The following FASN variants were observed in gnomAD, a reference collection of about 807,000 sequenced individuals.
The protein encoded by FASN is 3-hydroxyacyl-[acyl-carrier-protein] dehydratase.
FASN carries 50 observed loss-of-function variants against 250.0 expected under a neutral mutation model. That is an observed-to-expected ratio of 0.20 (90% CI 0.16 to 0.25). FASN has a LOEUF of 0.25. Ranked by LOEUF, FASN falls within the 10% of genes least tolerant of loss-of-function variation. FASN has a pLI of 1.00. For missense variants in FASN, 3,031 were observed against 3,498.5 expected (o/e 0.87, Z 3.37); for synonymous variants, 1,909 against 1,584.0 (o/e 1.21, Z -4.87).
chr17:82,088,515 G>C lies in FASN; in HGVS notation c.2468C>G (p.Ala823Gly). The change falls in exon 16 of 43, where the codon GCT (alanine) becomes GGT (glycine). Residue 823 changes from alanine (A) to glycine (G), a missense_variant. Transcript: ENST00000306749. ...GGAGATGAGGGGAGTTCCTCGGGGA[G>C]CTGGGAACTCCACAGGTGGGAACAA... is the stretch of plus-strand genomic sequence containing the variant. ...NALFPPVEFP[A>G]PRGTPLISPL... 1 of 1,608,340 alleles carries C rather than the reference G, an allele frequency of 6.2e-7. No individual in the cohort carries two copies. The highest frequency in any genetic ancestry group is 8.5e-7 in the Non-Finnish European group (1 of 1,176,690).
In FASN at chr17:82,083,135, A is replaced by G. The variant is rs2034021930; in HGVS notation, c.5566-20T>C. Reference sequence around the variant, plus strand: ...AAGCACCTGCGTCCAAGCAGCACCCACCGGCTCAGGCACTGCCTGGGGACC... The same window carrying G: ...AAGCACCTGCGTCCAAGCAGCACCCGCCGGCTCAGGCACTGCCTGGGGACC... On this transcript the variant is annotated intron_variant, in intron 32 of 42. Transcript: ENST00000306749. The G allele has an allele frequency of 6.2e-7, 1 of 1,610,046 alleles. No homozygotes were observed. Among genetic ancestry groups the G allele is most frequent in the Non-Finnish European group, 8.5e-7 (1 of 1,179,872 alleles).
Position 82,089,877 on chromosome 17 carries a change from T to C in FASN, c.1871-151A>G. The stretch of plus-strand genomic sequence containing the variant: ...TTCATGAGAAAGGTTCGCCCCCTGC[T>C]GTGTTTGACCCGTGGGTGGAGGTGT... On this transcript the variant is annotated intron_variant, in intron 11 of 42. Coordinates refer to ENST00000306749, the MANE Select transcript of FASN (RefSeq NM_004104.5). The C allele has an allele frequency of 1.5e-5, 11 of 740,514 alleles. No homozygotes were observed. In the South Asian group the frequency reaches 1.8e-4, roughly 12 times the overall value. 45.9% of individuals were successfully genotyped at this position (740,514 alleles called of 1,614,324 possible). A position where few individuals can be genotyped will look rare whatever the true frequency, so the allele number is the denominator to read the frequency against.
Position 82,090,401 on chromosome 17 carries a change from A to T in FASN, c.1844T>A (p.Leu615His). 6.3e-7 allele frequency: 1 copy of T among 1,597,048 alleles called. No homozygotes were observed. The highest frequency in any genetic ancestry group is 8.5e-7 in the Non-Finnish European group (1 of 1,173,208). The change falls in exon 11 of 43, where the codon CTC (leucine) becomes CAC (histidine). Residue 615 changes from leucine (L) to histidine (H), a missense_variant. Transcript: ENST00000306749. The part of the protein sequence containing the change: ...WRGQCIKEAH[L>H]PPGAMAAVGL... ...CACGGCTGCCATGGCGCCCGGCGGG[A>T]GATGGGCTTCTTTGATGCACTGTCC... is the stretch of plus-strand genomic sequence containing the variant.
Position 82,088,150 on chromosome 17 carries a change from C to T in FASN, c.2751G>A (p.Val917=). Residue 917 remains valine (V), a synonymous_variant, in exon 17 of 43, where the codon GTG becomes GTA. Transcript: ENST00000306749. ...VEQLPVVFED[V]VLHQATILPK... ...GCAGGATGGTGGCCTGGTGCAGCAC[C>T]ACATCCTCAAACACCACAGGCAGCT... The T allele has an allele frequency of 6.2e-7, 1 of 1,612,782 alleles. No individual in the cohort carries two copies. The highest frequency in any genetic ancestry group is 1.1e-5 in the South Asian group (1 of 91,086).
chr17:82,083,486 C>T lies in FASN; in HGVS notation c.5341+31G>A, dbSNP rs45591642. On this transcript the variant is annotated intron_variant, in intron 31 of 42. Coordinates refer to ENST00000306749, the MANE Select transcript of FASN (RefSeq NM_004104.5). The stretch of plus-strand genomic sequence containing the variant: ...ACAGGTCCACCCACACCCATCCATG[C>T]CCACCCCCGCCCAGGCGCTGCCGGC... 4.6e-3 allele frequency: 7,364 copies of T among 1,612,708 alleles called. 223 individuals carry two copies. In the Admixed American group the frequency reaches 0.063, roughly 14 times the overall value.
At position 82,092,969 on chromosome 17, in the gene FASN, T is replaced by C. The variant is rs2034239586; in HGVS notation, c.706A>G (p.Lys236Glu). Residue 236 changes from lysine to glutamate, a missense_variant, in exon 6 of 43, where the codon AAG becomes GAG. Physicochemically the swap from Lys to Glu is moderately conservative, Grantham distance 56. Transcript: ENST00000306749. The part of the protein sequence containing the change: ...EGVVAVLLTK[K>E]SLARRVYATI... The stretch of plus-strand genomic sequence containing the variant: ...GCGTACACCCGCCGGGCCAGGGACT[T>C]CTTGGTCAGCAGGACGGCCACCACA... 1 of 1,612,030 alleles carries C rather than the reference T, an allele frequency of 6.2e-7. No individual in the cohort carries two copies.
chr17:82,091,613 T>C lies in FASN; in HGVS notation c.1101A>G (p.Pro367=), dbSNP rs1192328893. 6.3e-7 allele frequency: 1 copy of C among 1,595,206 alleles called. No homozygotes were observed. The part of the protein sequence containing the change: ...LHFHSPNPEI[P]ALLDGRLQVV... ...CCTGCAGCCGCCCATCCAACAGCGC[T>C]GGGATCTCAGGGTTGGGGCTATGGA... The change falls in exon 9 of 43, where the codon CCA becomes CCG. Residue 367 remains proline (P), a synonymous_variant. Coordinates refer to ENST00000306749, the MANE Select transcript of FASN (RefSeq NM_004104.5).
rs748481213 is a variant in FASN at position 82,092,687 on chromosome 17, G to C, written c.894+10C>G. The C allele has an allele frequency of 4.4e-5, 50 of 1,130,526 alleles. 1 individual carries two copies. The highest frequency in any genetic ancestry group is 2.7e-4 in the Admixed American group (15 of 54,836). The allele number at this position is 1,130,526 out of a possible 1,614,324, so 70.0% of individuals were successfully genotyped here. A position where few individuals can be genotyped will look rare whatever the true frequency, so the allele number is the denominator to read the frequency against. ...GGGGTGGTGAGTGGGGCGGGGGGGG[G>C]GGGCATCACCTTGGTGCCTGTGCCG... On this transcript the variant is annotated intron_variant, in intron 7 of 42. Coordinates refer to ENST00000306749, the MANE Select transcript of FASN (RefSeq NM_004104.5).
intron 33 of FASN, 37 bp from the exon 34 acceptor site, chr17:82,082,715 G>GGTAC (rs2034012815): frequency 1.9e-6 from 3 of 1,602,434 alleles, no homozygotes; most frequent in Non-Finnish European, 2.5e-6. Flanking sequence ...ACTGGGCCAG[G>GGTAC]GTACGGTCTC....
chr17:82,082,784 C>T, intron 33 of FASN, 106 bp from the exon 34 acceptor site: 2 of 1,551,434 alleles, frequency 1.3e-6, no homozygotes, highest in Non-Finnish European at 8.8e-7. Context: ...TCCAGCAAGC[C>T]CCCCACAAGA....
intron 41 of FASN, chr17:82,079,912 T>C: frequency 3.2e-6 from 2 of 630,778 alleles, no homozygotes; most frequent in Non-Finnish European, 2.8e-6. Context: ...TTCTCCACGT[T>C]GGTCAGGCTG....
At position 82,081,261 on chromosome 17, in the gene FASN, C is replaced by A; in HGVS notation, c.6498G>T (p.Leu2166=). 1 of 1,572,108 alleles carries A rather than the reference C, an allele frequency of 6.4e-7. No individual in the cohort carries two copies. Among genetic ancestry groups the A allele is most frequent in the South Asian group, 1.2e-5 (1 of 86,006 alleles). Residue 2166 remains leucine, a synonymous_variant, in exon 38 of 43, where the codon CTG becomes CTT. Coordinates refer to ENST00000306749, the MANE Select transcript of FASN (RefSeq NM_004104.5). ...ACAGCACCAGGTTGAGCTCACGCTC[C>A]AGCGTCTGGCGCACCTCCACGCTCA... The part of the protein sequence containing the change: ...SLMSVEVRQT[L]ERELNLVLSV...
Position 82,079,299 on chromosome 17 carries a change from G to A in FASN, c.7399-19C>T. ...CGCATACCTGCAGGGGATGCGATCA[G>A]CTGCCGTCCCACCCCACTCCTGTCC... On this transcript the variant is annotated intron_variant, in intron 42 of 42. Coordinates refer to ENST00000306749, the MANE Select transcript of FASN (RefSeq NM_004104.5). 1.2e-6 allele frequency: 2 copies of A among 1,613,012 alleles called. No homozygotes were observed. Among genetic ancestry groups the A allele is most frequent in the Non-Finnish European group, 8.5e-7 (1 of 1,179,930 alleles).
At chr17:82,080,642 C>T (rs1445128212) in intron 39 of FASN, 50 bp downstream of exon 39, 6 of 1,552,262 alleles carry the variant, frequency 3.9e-6, no homozygotes, top group African/African-American at 1.4e-5. Flanking sequence ...GCCACGGGCC[C>T]CGTGATGGCC....
intron 3 of FASN, 60 bp downstream of exon 3, chr17:82,095,260 T>G: frequency 6.4e-7 from 1 of 1,574,198 alleles, no homozygotes; most frequent in Non-Finnish European, 8.7e-7. Context: ...GAGAAAACAC[T>G]GCCTATTCCA....
chr17:82,086,945 C>A, intron 21 of FASN, 105 bp downstream of exon 21: 1 of 1,341,536 alleles, frequency 7.5e-7, no homozygotes, highest in Non-Finnish European at 1.0e-6. Context: ...GGGTTGCTGA[C>A]CCCAAAGGGG....
At chr17:82,093,123 C>A in intron 5 of FASN, 96 bp downstream of exon 5, 1 of 1,553,444 alleles carries the variant, frequency 6.4e-7, no homozygotes, top group African/African-American at 1.4e-5. Flanking sequence ...TGGGGGATCC[C>A]CGGAGCTGGC....
rs772485207 is a variant in FASN, at chr17:82,095,521, T to G, written c.128-49A>C. ...ATCTCTGACGGAAGCTGCCCAGAGG[T>G]GGGGGCCCTGTGGGGTGCTGCAGGC... On this transcript the variant is annotated intron_variant, in intron 2 of 42. Coordinates refer to ENST00000306749, the MANE Select transcript of FASN (RefSeq NM_004104.5). 8 of 1,604,668 alleles carry G rather than the reference T, an allele frequency of 5.0e-6. No homozygotes were observed. The Admixed American group carries it at 1.2e-4, about 24-fold the overall frequency.
chr17:82,080,221 C>T lies in FASN; in HGVS notation c.7065G>A (p.Leu2355=). 6.2e-7 allele frequency: 1 copy of T among 1,613,144 alleles called. No homozygotes were observed. The highest frequency in any genetic ancestry group is 8.5e-7 in the Non-Finnish European group (1 of 1,180,022). Residue 2355 remains leucine, a synonymous_variant, in exon 41 of 43, where the codon CTG becomes CTA. Transcript: ENST00000306749. The part of the protein sequence containing the change: ...LAYTQSYRAK[L]TPGCEAEAET... ...CAGCCTCAGCCTCACAGCCTGGGGT[C>T]AGCTTTGCCCGGTAGCTCTGAGAGG...
Sources: allele counts gnomAD v4.1 joint callset, GRCh38; gene constraint gnomAD v4.1.1; transcripts MANE v1.5; gene names NCBI Gene and HGNC (gene_info 2026-07-23, HGNC 2026-07-21).